Variants in MGAM2 observed in about 807,000 individuals in gnomAD.
The protein encoded by MGAM2 is maltase-glucoamylase 2 (putative).
MGAM2 carries 98 observed loss-of-function variants against 96.1 expected under a neutral mutation model. That is an observed-to-expected ratio of 1.02 (90% CI 0.87 to 1.21). The LOEUF (loss-of-function observed/expected upper bound fraction) is 1.21, where lower values mean the gene tolerates loss of function less well. Among genes scored for constraint, MGAM2 ranks in the 50% most tolerant of loss-of-function variants. MGAM2 has a pLI of 0.00. For missense variants in MGAM2, 2,055 were observed against 1,182.4 expected (o/e 1.74, Z -10.82); for synonymous variants, 749 against 414.8 (o/e 1.81, Z -9.79).
intron 30 of MGAM2, 98 bp from the exon 31 acceptor site, chr7:142,173,131 C>T (rs1212634519): frequency 9.2e-6 from 6 of 649,628 alleles, no homozygotes; most frequent in African/African-American, 1.8e-5. Context: ...GCCTCTTATA[C>T]AGTACTTAGC....
In MGAM2 at chr7:142,184,964, A is replaced by C. The variant is rs1016038637; in HGVS notation, c.3925-113A>C. The C allele has an allele frequency of 1.7e-5, 9 of 522,206 alleles. No individual in the cohort carries two copies. The Admixed American group carries it at 2.8e-4, about 16-fold the overall frequency. 32.3% of individuals were successfully genotyped at this position (522,206 alleles called of 1,614,324 possible). On this transcript the variant is annotated intron_variant, in intron 33 of 47. Transcript: ENST00000477922. Reference sequence around the variant, plus strand: ...GCCTTTACAGTTTAATTTATGGCAAAGATTCCCAAGCGTTTCATGGAGATG... The same window carrying C: ...GCCTTTACAGTTTAATTTATGGCAACGATTCCCAAGCGTTTCATGGAGATG...
Position 142,221,023 on chromosome 7 carries a change from A to G in MGAM2, c.6512A>G (p.Asp2171Gly). ...ITATSHTSTDDTVPNNTVPVT... is the reference protein window; with the variant it reads ...ITATSHTSTDGTVPNNTVPVT... ...GCTACCTCTCATACAAGTACTGATGATACTGTTCCTAATAATACTGTTCCA... is the reference window on the plus strand; with the variant it reads ...GCTACCTCTCATACAAGTACTGATGGTACTGTTCCTAATAATACTGTTCCA... The change falls in exon 48 of 48, where the codon GAT becomes GGT. Residue 2171 changes from aspartate to glycine, a missense_variant. Physicochemically the swap from Asp to Gly is moderately conservative, Grantham distance 94. Coordinates refer to ENST00000477922, the MANE Select transcript of MGAM2 (RefSeq NM_001293626.2). The G allele has an allele frequency of 2.8e-6, 2 of 702,496 alleles. No individual in the cohort carries two copies. The highest frequency in any genetic ancestry group is 5.2e-6 in the Non-Finnish European group (2 of 384,772). The allele number at this position is 702,496 out of a possible 1,614,324, so 43.5% of individuals were successfully genotyped here.
intron 46 of MGAM2, among the ~76,000 whole-genome samples, chr7:142,211,950 G>T (rs1216006756): frequency 6.6e-6 from 1 of 152,200 alleles, no homozygotes; most frequent in Non-Finnish European, 1.5e-5. Flanking sequence ...AGGAAGGTTG[G>T]GTTACCCACA....
chr7:142,149,758 G>A (rs1319995548), intron 15 of MGAM2, among the ~76,000 whole-genome samples: 1 of 151,650 alleles, frequency 6.6e-6, no homozygotes, highest in Non-Finnish European at 1.5e-5. Context: ...AGCCAGGATG[G>A]TCTCCATCTC....
intron 32 of MGAM2, among the ~76,000 whole-genome samples, chr7:142,181,382 TG>T (rs1192766055): frequency 6.6e-6 from 1 of 152,114 alleles, no homozygotes; most frequent in Non-Finnish European, 1.5e-5. Context: ...TGTTTGGTGG[TG>T]TAATTTAGGC....
chr7:142,116,447 G>A (rs1002264209), intron 1 of MGAM2, among the ~76,000 whole-genome samples: 2 of 152,206 alleles, frequency 1.3e-5, no homozygotes, highest in African/African-American at 2.4e-5. Flanking sequence ...AAGAAGACTT[G>A]GATTCCAGTT....
At chr7:142,175,628 G>A in intron 31 of MGAM2, 24 bp from the exon 32 acceptor site, 1 of 701,750 alleles carries the variant, frequency 1.4e-6, no homozygotes. Context: ...AGGGTTCCAA[G>A]AGCCTTGCTG....
chr7:142,170,468 A>G (rs886647461), intron 27 of MGAM2, among the ~76,000 whole-genome samples: 1 of 152,234 alleles, frequency 6.6e-6, no homozygotes, highest in African/African-American at 2.4e-5. Context: ...AAAGAAAAAT[A>G]CATGTTCTAC....
In MGAM2 at chr7:142,154,787, G is replaced by T. The variant is rs1158075316; in HGVS notation, c.1865G>T (p.Trp622Leu). 11 of 703,426 alleles carry T rather than the reference G, an allele frequency of 1.6e-5. No individual in the cohort carries two copies. The highest frequency in any genetic ancestry group is 3.5e-5 in the African/African-American group (2 of 57,242). 43.6% of individuals were successfully genotyped at this position (703,426 alleles called of 1,614,324 possible). The change falls in exon 17 of 48, where the codon TGG becomes TTG. Residue 622 changes from tryptophan (W) to leucine (L), a missense_variant. Physicochemically the swap from Trp to Leu is moderately conservative, Grantham distance 61. Coordinates refer to ENST00000477922, the MANE Select transcript of MGAM2 (RefSeq NM_001293626.2). Reference sequence around the variant, plus strand: ...GTCACAGAGGAGCTCTGCAGAAGGTGGATGCAGCTTGGAGCATTTTATCCA... The same window carrying T: ...GTCACAGAGGAGCTCTGCAGAAGGTTGATGCAGCTTGGAGCATTTTATCCA... ...NNVTEELCRR[W>L]MQLGAFYPLP...
rs770399166 is a variant in MGAM2 at position 142,140,889 on chromosome 7, G to T, written c.1174G>T (p.Val392Phe). The T allele has an allele frequency of 1.0e-5, 7 of 702,938 alleles. No individual in the cohort carries two copies. Among genetic ancestry groups the T allele is most frequent in the Non-Finnish European group, 1.6e-5 (6 of 384,952 alleles). 43.5% of individuals were successfully genotyped at this position (702,938 alleles called of 1,614,324 possible). ...CGCTTACTCTGGTCTCCCAGATTTT[G>T]TCAAGGAGTTACATGACAATGGACA... Reference protein sequence around the residue: ...EVAYSGLPDFVKELHDNGQKY... With the variant: ...EVAYSGLPDFFKELHDNGQKY... Residue 392 changes from valine to phenylalanine, a missense_variant, in exon 11 of 48, where the codon GTC (valine) becomes TTC (phenylalanine). Transcript: ENST00000477922.
intron 14 of MGAM2, among the ~76,000 whole-genome samples, chr7:142,146,755 T>A (rs1295132250): frequency 1.3e-5 from 2 of 151,632 alleles, no homozygotes; most frequent in Non-Finnish European, 2.9e-5. Flanking sequence ...TGAGATGTAG[T>A]CTCGCTCTGT....
intron 17 of MGAM2, 23 bp from the exon 18 acceptor site, chr7:142,157,914 C>T (rs1192829326): frequency 1.4e-6 from 1 of 701,314 alleles, no homozygotes; most frequent in East Asian, 2.7e-5. Flanking sequence ...AAATATTCAG[C>T]CATTCCTTCC....
chr7:142,123,044 G>C (rs1005074630), intron 3 of MGAM2, among the ~76,000 whole-genome samples: 1 of 151,922 alleles, frequency 6.6e-6, no homozygotes, highest in Non-Finnish European at 1.5e-5. Context: ...TGGCCAGGAT[G>C]GTCTCTTGAC....
chr7:142,162,001 CT>C lies in MGAM2; in HGVS notation c.2482del (p.Ser828LeufsTer9), dbSNP rs1431463380. 1 of 690,358 alleles carries C rather than the reference CT, an allele frequency of 1.4e-6. No individual in the cohort carries two copies. Among genetic ancestry groups the C allele is most frequent in the East Asian group, 2.7e-5 (1 of 36,536 alleles). 42.8% of individuals were successfully genotyped at this position (690,358 alleles called of 1,614,324 possible). A position where few individuals can be genotyped will look rare whatever the true frequency, so the allele number is the denominator to read the frequency against. On this transcript the variant is annotated frameshift_variant and splice_region_variant, in exon 23 of 48. Coordinates refer to ENST00000477922, the MANE Select transcript of MGAM2 (RefSeq NM_001293626.2). LOFTEE classifies it high-confidence loss of function. ...ATATTCTATATGATTTCTCTGTTAC[CT>C]CTGTAAGTATTTTGTTTGAGGAACA... ...KYILYDFSVT[S>X]NHLQAKIINN...
chr7:142,206,819 T>C (rs1455522877), intron 45 of MGAM2, among the ~76,000 whole-genome samples: 1 of 152,234 alleles, frequency 6.6e-6, no homozygotes, highest in Non-Finnish European at 1.5e-5. Context: ...AAATGTTCTA[T>C]TAGCAGACTT....
At chr7:142,123,468 G>A (rs1405495165) in intron 3 of MGAM2, among the ~76,000 whole-genome samples, 1 of 151,948 alleles carries the variant, frequency 6.6e-6, no homozygotes, top group Non-Finnish European at 1.5e-5. Flanking sequence ...CCTAATCAAC[G>A]CTTGGTGTTT....
At chr7:142,189,705 T>C (rs1796810248) in intron 37 of MGAM2, among the ~76,000 whole-genome samples, 200 bp downstream of exon 37, 1 of 152,232 alleles carries the variant, frequency 6.6e-6, no homozygotes, top group Admixed American at 6.5e-5. Context: ...AAGTGAGCAA[T>C]TAGGTAATGT....
At chr7:142,177,277 C>CAAA (rs1554509824) in intron 32 of MGAM2, among the ~76,000 whole-genome samples, 3 of 152,144 alleles carry the variant, frequency 2.0e-5, no homozygotes, top group Non-Finnish European at 4.4e-5. Flanking sequence ...GGGAAACTCC[C>CAAA]CTTTTTAAAA....
At chr7:142,150,709 A>G (rs1466469001) in intron 15 of MGAM2, among the ~76,000 whole-genome samples, 1 of 152,200 alleles carries the variant, frequency 6.6e-6, no homozygotes, top group Non-Finnish European at 1.5e-5. Flanking sequence ...TGACCTTTCT[A>G]AAGCACTGTT....
Sources: gnomAD v4.1 joint callset for allele counts (sites outside exome capture counted in the v4.1 genomes callset) on GRCh38, gnomAD v4.1.1 for gene constraint, MANE v1.5 for transcripts, NCBI Gene and HGNC (gene_info 2026-07-23, HGNC 2026-07-21) for gene names.